The following SSR4 variants were observed in gnomAD, a reference collection of about 807,000 sequenced individuals.
The protein encoded by SSR4 is translocon-associated protein subunit delta.
For missense variants in SSR4, 125 were observed against 148.8 expected (o/e 0.84, Z 0.83); for synonymous variants, 84 against 65.6 (o/e 1.28, Z -1.35).
intron 1 of SSR4, 95 bp from the exon 2 acceptor site, chrX:153,796,339 C>T: frequency 5.0e-6 from 3 of 598,923 alleles, no homozygotes; most frequent in South Asian, 5.0e-5. Flanking sequence ...GGGTCCCCAG[C>T]TGATCCGTGC....
At position 153,798,449 on chromosome X, in the gene SSR4, C is replaced by T; in HGVS notation, c.*16C>T. ...CCAGGCCTGAGGGCGGCACCCCAGC[C>T]CTGCCCTTGCTTCCTTCAATAAACA... On this transcript the variant is annotated 3_prime_UTR_variant, in exon 6 of 6. Coordinates refer to ENST00000370086, the MANE Select transcript of SSR4 (RefSeq NM_006280.3). 8.7e-7 allele frequency: 1 copy of T among 1,154,595 alleles called. No individual in the cohort carries two copies. The highest frequency in any genetic ancestry group is 1.2e-6 in the Non-Finnish European group (1 of 861,200).
chrX:153,796,994 T>TG, intron 2 of SSR4: 1 of 177,613 alleles, frequency 5.6e-6, no homozygotes, highest in Non-Finnish European at 1.1e-5. Context: ...GATTCTCCTC[T>TG]CAGTCTCCTA....
chrX:153,795,470 C>G (rs1306720673), intron 1 of SSR4: 1 of 129,447 alleles, frequency 7.7e-6, no homozygotes. Context: ...TAACTGGCCT[C>G]CCTTTCCGCA....
chrX:153,794,814 G>GT, intron 1 of SSR4, 60 bp downstream of exon 1: 2 of 1,146,686 alleles, frequency 1.7e-6, no homozygotes, highest in Non-Finnish European at 2.3e-6. Flanking sequence ...GGTGGTGTTG[G>GT]GGGCAGGAGG....
At chrX:153,794,387 A>C (rs2092124770), upstream of SSR4, 1 of 1,153,716 alleles carries the variant, frequency 8.7e-7, no homozygotes. Context: ...CGAGAGTTCG[A>C]CGGGGTGCGA....
intron 2 of SSR4, chrX:153,796,828 C>T (rs1280163201): frequency 1.2e-5 from 4 of 326,417 alleles, no homozygotes; most frequent in Non-Finnish European, 2.1e-5. Flanking sequence ...AGTCAGCCCA[C>T]CCCGGTTGCC....
intron 1 of SSR4, chrX:153,795,589 A>T: frequency 1.5e-6 from 1 of 689,584 alleles, no homozygotes; most frequent in Non-Finnish European, 1.7e-6. Flanking sequence ...CACAGGAAGC[A>T]GGCCCAACTT....
chrX:153,794,499 G>T (rs1314103676), upstream of SSR4: 31 of 1,158,603 alleles, frequency 2.7e-5, no homozygotes, highest in African/African-American at 1.6e-4. Flanking sequence ...CATGTTGAGG[G>T]GGGGACCGCG....
upstream of SSR4, chrX:153,794,193 C>A: frequency 8.9e-7 from 1 of 1,128,485 alleles, no homozygotes; most frequent in Non-Finnish European, 1.2e-6. Context: ...TGCGGCTACC[C>A]CACCGCTCCC....
intron 1 of SSR4, 80 bp downstream of exon 1, chrX:153,794,834 G>T: frequency 2.7e-6 from 3 of 1,101,364 alleles, no homozygotes; most frequent in Non-Finnish European, 1.2e-6. Context: ...GGATGCGGGG[G>T]TCCGGCCTTT....
At chrX:153,794,190 A>C (rs935953269), upstream of SSR4, 27 of 1,117,916 alleles carry the variant, frequency 2.4e-5, no homozygotes, top group Non-Finnish European at 3.1e-5. Context: ...GGGTGCGGCT[A>C]CCCCACCGCT....
chrX:153,797,372 T>A, intron 2 of SSR4, 86 bp from the exon 3 acceptor site: 1 of 881,262 alleles, frequency 1.1e-6, no homozygotes, highest in South Asian at 2.0e-5. Context: ...CCTGCCCACC[T>A]GCAGGCCGTG....
At chrX:153,794,782 T>G in intron 1 of SSR4, 28 bp downstream of exon 1, 2 of 1,202,516 alleles carry the variant, frequency 1.7e-6, no homozygotes, top group Non-Finnish European at 2.2e-6. Context: ...GCTTCTTTCT[T>G]GCGAGCCTCT....
At chrX:153,797,967 T>C in intron 4 of SSR4, 104 bp from the exon 5 acceptor site, 1 of 964,993 alleles carries the variant, frequency 1.0e-6, no homozygotes, top group Admixed American at 2.2e-5. Context: ...CCTTTCCTTT[T>C]CTGGGGCTTG....
upstream of SSR4, chrX:153,794,388 C>A (rs1265329334): frequency 2.3e-5 from 26 of 1,153,733 alleles, no homozygotes; most frequent in Non-Finnish European, 2.9e-5. Context: ...GAGAGTTCGA[C>A]GGGGTGCGAA....
At chrX:153,798,009 C>CAA in intron 4 of SSR4, 62 bp from the exon 5 acceptor site, 5 of 772,181 alleles carry the variant, frequency 6.5e-6, no homozygotes, top group Non-Finnish European at 1.0e-5. Context: ...TTCCCCTCCC[C>CAA]TCCCCACCCC....
intron 1 of SSR4, 89 bp from the exon 2 acceptor site, chrX:153,796,345 C>G: frequency 1.6e-6 from 1 of 630,204 alleles, no homozygotes; most frequent in Non-Finnish European, 2.6e-6. Context: ...CCAGCTGATC[C>G]GTGCTATGAG....
chrX:153,795,920 TTC>T (rs1271036740), intron 1 of SSR4: 29 of 684,448 alleles, frequency 4.2e-5, no homozygotes, highest in Middle Eastern at 1.7e-3. Flanking sequence ...TCCCGTTTAC[TTC>T]TTCAGGAAAC....
rs2092129499 is a variant in SSR4, at chrX:153,794,828, G to A, written c.67+74G>A. 3 of 1,114,296 alleles carry A rather than the reference G, an allele frequency of 2.7e-6. No individual in the cohort carries two copies. In the African/African-American group the frequency reaches 5.4e-5, roughly 20 times the overall value. 91.8% of individuals were successfully genotyped at this position (1,114,296 alleles called of 1,213,427 possible). On this transcript the variant is annotated intron_variant, in intron 1 of 5. Transcript: ENST00000370086. ...AGGTGGTGTTGGGGGCAGGAGGGAT[G>A]CGGGGGTCCGGCCTTTCAGGGTCCG...
Sources: allele counts gnomAD v4.1 joint callset, GRCh38; gene constraint gnomAD v4.1.1; transcripts MANE v1.5; gene names NCBI Gene and HGNC (gene_info 2026-07-23, HGNC 2026-07-21).